JADE1: variants seen among roughly 807,000 people sequenced by gnomAD.
JADE1 encodes the protein jade family PHD finger 1, also known as protein Jade-1.
A neutral mutation model predicts 81.8 loss-of-function variants in JADE1; 14 were observed. The observed-to-expected ratio is 0.17, with a 90% CI of 0.11 to 0.27. JADE1 has a LOEUF of 0.27. Among genes scored for constraint, JADE1 ranks in the 10% least tolerant of loss-of-function variants. JADE1 has a pLI of 1.00. For missense variants in JADE1, 690 were observed against 1,047.9 expected (o/e 0.66, Z 4.71); for synonymous variants, 353 against 391.9 (o/e 0.90, Z 1.17).
In JADE1 at chr4:128,872,403, CAG is replaced by C. The variant is rs1732262367; in HGVS notation, c.*144_*145del. Reference sequence around the variant, plus strand: ...CTTGCAATTCAGATTAATTTTTTTCCAGAGTCATTTTTAAATCATTTTTGTGA... The same window carrying C: ...CTTGCAATTCAGATTAATTTTTTTCCAGTCATTTTTAAATCATTTTTGTGA... On this transcript the variant is annotated 3_prime_UTR_variant, in exon 11 of 11. Transcript: ENST00000226319. 3 of 725,152 alleles carry C rather than the reference CAG, an allele frequency of 4.1e-6. No homozygotes were observed. The highest frequency in any genetic ancestry group is 3.0e-5 in the Admixed American group (1 of 33,022). 44.9% of individuals were successfully genotyped at this position (725,152 alleles called of 1,614,324 possible).
chr4:128,819,071 C>T (rs1329253401), intron 1 of JADE1, among the ~76,000 whole-genome samples: 1 of 152,136 alleles, frequency 6.6e-6, no homozygotes, highest in Admixed American at 6.5e-5. Flanking sequence ...AAGGTTCTGC[C>T]CACTTTGGCC....
intron 2 of JADE1, among the ~76,000 whole-genome samples, chr4:128,834,700 C>T (rs1289013965): frequency 1.3e-5 from 2 of 151,698 alleles, no homozygotes; most frequent in Non-Finnish European, 2.9e-5. Flanking sequence ...CACCCGGCTA[C>T]TTTTTTGTAT....
At chr4:128,841,718 G>A (rs1421933437) in intron 2 of JADE1, among the ~76,000 whole-genome samples, 5 of 152,218 alleles carry the variant, frequency 3.3e-5, no homozygotes, top group African/African-American at 4.8e-5. Context: ...TCCTCTGGGT[G>A]TGCTGGGTAA....
rs139141318 is a variant in JADE1 at position 128,874,497 on chromosome 4, A to T, written c.*2235A>T. 1.2e-3 allele frequency: 140 copies of T among 113,132 alleles called. No individual in the cohort carries two copies. The highest frequency in any genetic ancestry group is 8.0e-3 in the African/African-American group (134 of 16,684). The allele number at this position is 113,132 out of a possible 1,614,324, so 7.0% of individuals were successfully genotyped here. A position where few individuals can be genotyped will look rare whatever the true frequency, so the allele number is the denominator to read the frequency against. ...CCAAAAAAAACAAAACAAAAACAAAACAAAAAATATTAAAAAAAACCCACA... is the reference window on the plus strand; with the variant it reads ...CCAAAAAAAACAAAACAAAAACAAATCAAAAAATATTAAAAAAAACCCACA... On this transcript the variant is annotated 3_prime_UTR_variant, in exon 11 of 11. Coordinates refer to ENST00000226319, the MANE Select transcript of JADE1 (RefSeq NM_199320.4).
At chr4:128,832,054 T>C (rs958284683) in intron 2 of JADE1, among the ~76,000 whole-genome samples, 23 of 152,176 alleles carry the variant, frequency 1.5e-4, no homozygotes, top group African/African-American at 5.5e-4. Flanking sequence ...GGAGGAATAA[T>C]CCAGTTCCAA....
At chr4:128,811,660 A>G (rs894703940) in intron 1 of JADE1, among the ~76,000 whole-genome samples, 2 of 137,242 alleles carry the variant, frequency 1.5e-5, no homozygotes, top group Non-Finnish European at 1.6e-5. Context: ...GGGGGCGGGG[A>G]CGCCCGGCCC....
chr4:128,834,622 C>T (rs111836211), intron 2 of JADE1, among the ~76,000 whole-genome samples: 1 of 150,052 alleles, frequency 6.7e-6, no homozygotes, highest in Non-Finnish European at 1.5e-5. Flanking sequence ...GCAAGCTCTG[C>T]CTCCTGGGTT....
intron 6 of JADE1, among the ~76,000 whole-genome samples, chr4:128,854,623 G>A (rs1354841462): frequency 6.6e-6 from 1 of 152,158 alleles, no homozygotes; most frequent in Non-Finnish European, 1.5e-5. Context: ...TGGGTATTCA[G>A]ATTGCATAGT....
chr4:128,852,494 G>A (rs760407375), intron 6 of JADE1, among the ~76,000 whole-genome samples: 26 of 152,164 alleles, frequency 1.7e-4, no homozygotes, highest in African/African-American at 6.0e-4. Context: ...TGTGGAAATC[G>A]TCTTTCTTCA....
intron 6 of JADE1, among the ~76,000 whole-genome samples, chr4:128,854,974 A>G (rs1329366400): frequency 6.6e-6 from 1 of 152,128 alleles, no homozygotes; most frequent in Non-Finnish European, 1.5e-5. Context: ...TTTGTTTTAA[A>G]TACCAGCTAA....
At chr4:128,862,894 C>CTGTGTGTGTGTG (rs3069699) in intron 9 of JADE1, 1 of 825,032 alleles carries the variant, frequency 1.2e-6, no homozygotes, top group African/African-American at 1.8e-5. Flanking sequence ...ATCACTGAGG[C>CTGTGTGTGTGTG]TGTGTGTGTG....
chr4:128,810,290 C>G (rs532848957), intron 1 of JADE1: 1 of 151,516 alleles, frequency 6.6e-6, no homozygotes, highest in Non-Finnish European at 1.5e-5. Flanking sequence ...TATGTTGGAT[C>G]AGTAAGTTTT....
At position 128,849,105 on chromosome 4, in the gene JADE1, A is replaced by G. The variant is rs751019243; in HGVS notation, c.422A>G (p.Tyr141Cys). The change falls in exon 5 of 11, where the codon TAT becomes TGT. Residue 141 changes from tyrosine to cysteine, a missense_variant. Tyr to Cys is a radical substitution (Grantham distance 194, BLOSUM62 -2). This residue lies in a region of JADE1 where 98 missense variants were observed against 161.3 expected (regional missense o/e 0.61). Transcript: ENST00000226319. ...IRTLADSVCR[Y>C]DLNDMDAAWL... ...ACGCTGGCTGACAGCGTGTGTCGCTATGACCTCAATGACATGGATGCTGCA... is the reference window on the plus strand; with the variant it reads ...ACGCTGGCTGACAGCGTGTGTCGCTGTGACCTCAATGACATGGATGCTGCA... The G allele has an allele frequency of 1.2e-5, 19 of 1,613,978 alleles. No homozygotes were observed. The Admixed American group carries it at 1.3e-4, about 11-fold the overall frequency.
intron 2 of JADE1, among the ~76,000 whole-genome samples, chr4:128,834,986 A>C (rs771471994): frequency 0.012 from 1,654 of 135,486 alleles, 20 homozygotes; most frequent in African/African-American, 0.044. Context: ...TCTCTATTTT[A>C]AAAAAAAAAA....
chr4:128,825,969 A>G (rs1728027070), intron 1 of JADE1, among the ~76,000 whole-genome samples: 1 of 152,228 alleles, frequency 6.6e-6, no homozygotes, highest in East Asian at 1.9e-4. Context: ...AGGATTGTTA[A>G]GTAACTGGTC....
chr4:128,863,536 G>A (rs149138256), intron 9 of JADE1: 1 of 985,414 alleles, frequency 1.0e-6, no homozygotes, highest in East Asian at 1.1e-4. Flanking sequence ...TTTAATACAC[G>A]ACTGAGTGCC....
Position 128,831,808 on chromosome 4 carries a change from G to T in JADE1, c.50G>T (p.Gly17Val). The T allele has an allele frequency of 1.2e-6, 2 of 1,613,826 alleles. No individual in the cohort carries two copies. The highest frequency in any genetic ancestry group is 1.7e-6 in the Non-Finnish European group (2 of 1,179,710). ...PSSSEDSDDN[G>V]SLSTTWSQNS... ...AGCAGTGAGGATTCTGACGACAATGGCAGTAAGTCCTGCTTTGTTGTTCTT... is the reference window on the plus strand; with the variant it reads ...AGCAGTGAGGATTCTGACGACAATGTCAGTAAGTCCTGCTTTGTTGTTCTT... The change falls in exon 2 of 11, where the codon GGC becomes GTC. Residue 17 changes from glycine (G) to valine (V), a missense_variant and splice_region_variant. By Grantham distance (109) the Gly-to-Val change is moderately radical. This residue lies in a region of JADE1 where 59 missense variants were observed against 52.8 expected (regional missense o/e 1.12). Coordinates refer to ENST00000226319, the MANE Select transcript of JADE1 (RefSeq NM_199320.4).
At chr4:128,869,558 T>C (rs192968668) in intron 10 of JADE1, among the ~76,000 whole-genome samples, 1 of 152,364 alleles carries the variant, frequency 6.6e-6, no homozygotes, top group African/African-American at 2.4e-5. Context: ...AAGAGCATTT[T>C]CATCTGGTTT....
At chr4:128,833,397 C>T (rs542936703) in intron 2 of JADE1, among the ~76,000 whole-genome samples, 3 of 152,138 alleles carry the variant, frequency 2.0e-5, no homozygotes, top group Non-Finnish European at 2.9e-5. Context: ...TAATTTTGTC[C>T]TACATTAATT....
Sources: allele counts gnomAD v4.1 joint callset (sites outside exome capture counted in the v4.1 genomes callset), GRCh38; gene constraint gnomAD v4.1.1; regional missense constraint gnomAD v4.1.1; transcripts MANE v1.5; gene names NCBI Gene and HGNC (gene_info 2026-07-23, HGNC 2026-07-21).